ZNF565: variants seen among roughly 807,000 people sequenced by gnomAD.
The protein encoded by ZNF565 is zinc finger protein 565.
In ZNF565, 27 loss-of-function variants were observed where a neutral mutation model predicts 39.4. The observed-to-expected ratio is 0.69, with a 90% CI of 0.51 to 0.95. ZNF565 has a LOEUF of 0.95. Among genes scored for constraint, ZNF565 ranks in the 40% least tolerant of loss-of-function variants. The pLI is 0.00. For synonymous variants in ZNF565, 185 were observed against 216.6 expected (o/e 0.85, Z 1.28); for missense variants, 524 against 621.1 (o/e 0.84, Z 1.66).
chr19:36,230,994 T>A (rs954094835), intron 1 of ZNF565, among the ~76,000 whole-genome samples: 2 of 151,562 alleles, frequency 1.3e-5, no homozygotes, highest in Non-Finnish European at 2.9e-5. Context: ...AGAGTCGAGG[T>A]TTCACCATGT....
rs933810219 is a variant in ZNF565 at position 36,245,149 on chromosome 19, A to G, written c.55+327T>C. Among the ~76,000 whole-genome samples the G allele has an allele frequency of 6.6e-6, 1 of 152,196 alleles. No homozygotes were observed. The highest frequency in any genetic ancestry group is 2.4e-5 in the African/African-American group (1 of 41,464). On this transcript the variant is annotated intron_variant, in intron 1 of 4. Transcript: ENST00000355114. This position sits in a 1 kb window ranked among gnomAD's most constrained non-coding sequence, Gnocchi z 4.4. ...GAGCCTCGCTGCCCTTGCGAGAGCCATGGATTCGCATTTGCGCAGAGTCGG... is the reference window on the plus strand; with the variant it reads ...GAGCCTCGCTGCCCTTGCGAGAGCCGTGGATTCGCATTTGCGCAGAGTCGG...
At chr19:36,187,663 A>T (rs932235179) in intron 4 of ZNF565, among the ~76,000 whole-genome samples, 2 of 138,316 alleles carry the variant, frequency 1.4e-5, no homozygotes, top group African/African-American at 5.5e-5. Context: ...GCCGAGACAG[A>T]GTCTTGCTCT....
intron 1 of ZNF565, among the ~76,000 whole-genome samples, chr19:36,207,858 T>G (rs754685096): frequency 1.3e-5 from 2 of 152,212 alleles, no homozygotes; most frequent in African/African-American, 2.4e-5. Flanking sequence ...ATGATGCAGC[T>G]AAAGGTGGCG....
At chr19:36,199,236 C>T (rs751454354) in intron 2 of ZNF565, among the ~76,000 whole-genome samples, 1 of 152,188 alleles carries the variant, frequency 6.6e-6, no homozygotes, top group African/African-American at 2.4e-5. Context: ...ACAACCAACA[C>T]ATATGTTCAA....
intron 1 of ZNF565, among the ~76,000 whole-genome samples, chr19:36,210,663 C>T (rs1364448605): frequency 6.6e-6 from 1 of 150,416 alleles, no homozygotes; most frequent in African/African-American, 2.4e-5. Flanking sequence ...CTTGTTTCAT[C>T]ACCCAGGCTG....
chr19:36,226,508 A>G (rs534978845), intron 1 of ZNF565, among the ~76,000 whole-genome samples: 7 of 152,238 alleles, frequency 4.6e-5, no homozygotes, highest in South Asian at 2.1e-4. Flanking sequence ...CCTTTACCCA[A>G]TTTCACCAAT....
Position 36,182,983 on chromosome 19 carries a change from ATTC to A in ZNF565, c.980_982del (p.Arg327_Ile328delinsLeu). 1 of 1,614,006 alleles carries A rather than the reference ATTC, an allele frequency of 6.2e-7. No homozygotes were observed. The highest frequency in any genetic ancestry group is 8.5e-7 in the Non-Finnish European group (1 of 1,180,002). The stretch of plus-strand genomic sequence containing the variant: ...CTCGTAGGGTTTCTCACCAGTGTGG[ATTC>A]GCTGGTGTACAGTCAGCTGTGAGTG... On this transcript the variant is annotated inframe_deletion, in exon 5 of 5. Transcript: ENST00000304116.
chr19:36,230,988 T>A (rs2918376), intron 1 of ZNF565, among the ~76,000 whole-genome samples: 103,977 of 151,654 alleles, frequency 0.69, 35,692 homozygotes, highest in Middle Eastern at 0.74. Context: ...TTTAGTAGAG[T>A]CGAGGTTTCA....
chr19:36,225,752 C>G, intron 1 of ZNF565, among the ~76,000 whole-genome samples: 1 of 66,724 alleles, frequency 1.5e-5, no homozygotes, highest in South Asian at 5.2e-4. Flanking sequence ...CTTTGTGATT[C>G]TTTTTTTTTT....
chr19:36,229,166 T>C (rs550255365), intron 1 of ZNF565, among the ~76,000 whole-genome samples: 3 of 152,236 alleles, frequency 2.0e-5, no homozygotes, highest in Non-Finnish European at 2.9e-5. Context: ...TTGTCTGATA[T>C]TCAGGTTCCT....
chr19:36,239,108 A>G (rs1222819657), intron 1 of ZNF565, among the ~76,000 whole-genome samples: 1 of 152,170 alleles, frequency 6.6e-6, no homozygotes, highest in Non-Finnish European at 1.5e-5. Flanking sequence ...CCCTGGTACC[A>G]AAAAGGTTGG....
chr19:36,217,055 CTTTTTTTT>C (rs752632008), upstream of ZNF565, among the ~76,000 whole-genome samples: 261 of 65,892 alleles, frequency 4.0e-3, 3 homozygotes, highest in African/African-American at 0.016. Context: ...CAGTCCCTGT[CTTTTTTTT>C]TTTTTTTTTT....
intron 1 of ZNF565, among the ~76,000 whole-genome samples, chr19:36,243,748 G>A (rs1293122366): frequency 6.6e-6 from 1 of 152,016 alleles, no homozygotes; most frequent in African/African-American, 2.4e-5. Flanking sequence ...CACCCAGGCT[G>A]GGGGTGGGGG....
chr19:36,204,529 T>C (rs1461648015), intron 1 of ZNF565, among the ~76,000 whole-genome samples: 2 of 152,242 alleles, frequency 1.3e-5, no homozygotes, highest in African/African-American at 2.4e-5. Context: ...TCTTCAAATC[T>C]GTGCTATAAA....
chr19:36,233,057 T>C (rs1977457861), intron 1 of ZNF565, among the ~76,000 whole-genome samples: 1 of 152,194 alleles, frequency 6.6e-6, no homozygotes, highest in African/African-American at 2.4e-5. Context: ...ATGTTTTACT[T>C]CTAAAAAATT....
chr19:36,193,946 G>C (rs1186728186), intron 4 of ZNF565, among the ~76,000 whole-genome samples: 4 of 151,966 alleles, frequency 2.6e-5, no homozygotes, highest in African/African-American at 4.8e-5. Context: ...TAAAGAAAAA[G>C]GATACAAAGT....
intron 3 of ZNF565, 61 bp from the exon 4 acceptor site, chr19:36,194,389 C>T: frequency 7.4e-7 from 1 of 1,360,330 alleles, no homozygotes; most frequent in Non-Finnish European, 1.0e-6. Flanking sequence ...ACCCAGTTCC[C>T]TGGTCACCAT....
chr19:36,221,712 C>A (rs1010436943), intron 1 of ZNF565, among the ~76,000 whole-genome samples: 10 of 152,020 alleles, frequency 6.6e-5, no homozygotes, highest in African/African-American at 2.2e-4. Context: ...TCACATTCTT[C>A]TTTGTCTTAT....
intron 1 of ZNF565, among the ~76,000 whole-genome samples, chr19:36,241,707 G>A (rs558127262): frequency 6.8e-6 from 1 of 147,014 alleles, no homozygotes; most frequent in African/African-American, 2.5e-5. Flanking sequence ...TAGGAGAATC[G>A]CTTGAACCCA....
Sources: allele counts gnomAD v4.1 joint callset (sites outside exome capture counted in the v4.1 genomes callset), GRCh38; gene constraint gnomAD v4.1.1; non-coding constraint Gnocchi (gnomAD v3.1); transcripts MANE v1.5; gene names NCBI Gene and HGNC (gene_info 2026-07-23, HGNC 2026-07-21).